Variants in HERC1 observed in about 807,000 individuals in gnomAD.
HERC1 encodes probable E3 ubiquitin-protein ligase HERC1.
In HERC1, 160 loss-of-function variants were observed where a neutral mutation model predicts 554.3. The ratio of observed to expected loss-of-function variants is 0.29; its 90% CI spans 0.25 to 0.33. The LOEUF (loss-of-function observed/expected upper bound fraction) is 0.33, where lower values mean the gene tolerates loss of function less well. HERC1 is among the 10% of genes least tolerant of loss of function. HERC1 has a pLI of 1.00. For missense variants in HERC1, 4,919 were observed against 5,918.5 expected (o/e 0.83, Z 5.54); for synonymous variants, 2,175 against 2,131.7 (o/e 1.02, Z -0.56).
chr15:63,663,541 G>T (rs1280363978), intron 43 of HERC1, among the ~76,000 whole-genome samples: 1 of 152,180 alleles, frequency 6.6e-6, no homozygotes, highest in South Asian at 2.1e-4. Flanking sequence ...CTGTAACCCT[G>T]AACCCCTGGG....
intron 38 of HERC1, 105 bp from the exon 39 acceptor site, chr15:63,672,799 A>G: frequency 1.4e-6 from 1 of 726,416 alleles, no homozygotes; most frequent in South Asian, 2.0e-5. Context: ...GTTTCTAAAT[A>G]TATTTCACAA....
chr15:63,784,231 A>G (rs1419690526), intron 1 of HERC1, among the ~76,000 whole-genome samples: 2 of 151,270 alleles, frequency 1.3e-5, no homozygotes, highest in Non-Finnish European at 3.0e-5. Context: ...CCAGTGGAAA[A>G]TATTTTCAAA....
chr15:63,639,851 A>G (rs1595874553), intron 61 of HERC1, among the ~76,000 whole-genome samples: 1 of 152,242 alleles, frequency 6.6e-6, no homozygotes, highest in Admixed American at 6.5e-5. Context: ...GCTAAGATAT[A>G]TACAACTAAA....
intron 39 of HERC1, among the ~76,000 whole-genome samples, chr15:63,670,733 A>C (rs2070868452): frequency 6.6e-6 from 1 of 152,072 alleles, no homozygotes; most frequent in Admixed American, 6.6e-5. Flanking sequence ...GAATTCTGTA[A>C]TTGCCAGAGG....
At chr15:63,805,393 T>G (rs1344449937) in intron 1 of HERC1, among the ~76,000 whole-genome samples, 1 of 152,254 alleles carries the variant, frequency 6.6e-6, no homozygotes, top group Middle Eastern at 3.4e-3. Flanking sequence ...ACACAAAGAC[T>G]ACATAACTAT....
At chr15:63,620,369 T>C (rs1272536101) in intron 74 of HERC1, among the ~76,000 whole-genome samples, 1 of 152,078 alleles carries the variant, frequency 6.6e-6, no homozygotes, top group Non-Finnish European at 1.5e-5. Context: ...CAGTTTGTTA[T>C]AATTTCTGTT....
Position 63,616,804 on chromosome 15 carries a change from C to T in HERC1, c.13689-122G>A. On this transcript the variant is annotated intron_variant, in intron 74 of 77. Transcript: ENST00000443617. ...TGTTCAATATGGCATCCATTAGCCA[C>T]ATAAGGCTAAAGTAATTAAATAAAA... 9 of 840,772 alleles carry T rather than the reference C, an allele frequency of 1.1e-5. No homozygotes were observed. The South Asian group carries it at 1.2e-4, about 12-fold the overall frequency. The allele number at this position is 840,772 out of a possible 1,614,324, so 52.1% of individuals were successfully genotyped here.
At chr15:63,709,581 G>A (rs1421410107) in intron 24 of HERC1, among the ~76,000 whole-genome samples, 7 of 152,142 alleles carry the variant, frequency 4.6e-5, no homozygotes, top group African/African-American at 1.7e-4. Flanking sequence ...GTCTTGTACA[G>A]GTCAAAGTCC....
chr15:63,613,716 C>G (rs1009883129), intron 76 of HERC1, among the ~76,000 whole-genome samples: 1 of 151,928 alleles, frequency 6.6e-6, no homozygotes, highest in Admixed American at 6.6e-5. Context: ...GCCCTGTCAT[C>G]CCAGCTACTT....
chr15:63,658,109 A>T (rs924900209), intron 48 of HERC1, among the ~76,000 whole-genome samples: 1 of 152,116 alleles, frequency 6.6e-6, no homozygotes, highest in African/African-American at 2.4e-5. Context: ...ATCACTTCTT[A>T]AACAGCTGTC....
Position 63,774,768 on chromosome 15 carries a change from G to C in HERC1, c.856C>G (p.Leu286Val). 1.2e-6 allele frequency: 2 copies of C among 1,613,962 alleles called. No individual in the cohort carries two copies. The highest frequency in any genetic ancestry group is 1.3e-5 in the African/African-American group (1 of 75,038). Residue 286 changes from leucine (L) to valine (V), a missense_variant, in exon 2 of 78, where the codon CTA becomes GTA. Around this residue, in one of 11 missense-constraint regions of HERC1, gnomAD observed 744 missense variants for 1,090.0 expected, o/e 0.68. Transcript: ENST00000443617. Reference sequence around the variant, plus strand: ...ATCATTCCTTCCTGGCTTGAGAGTAGTTTGCCTTTCTCCATGGTGTGTACA... The same window carrying C: ...ATCATTCCTTCCTGGCTTGAGAGTACTTTGCCTTTCTCCATGGTGTGTACA... Reference protein sequence around the residue: ...AVVHTMEKGKLLSSQEGMISF... With the variant: ...AVVHTMEKGKVLSSQEGMISF...
At position 63,720,276 on chromosome 15, in the gene HERC1, A is replaced by C. The variant is rs533228154; in HGVS notation, c.3743-1379T>G. Among the ~76,000 whole-genome samples, 9 of 151,196 alleles carry C rather than the reference A, an allele frequency of 6.0e-5. No individual in the cohort carries two copies. The South Asian group carries it at 1.9e-3, about 32-fold the overall frequency. ...GAGCTACCACACTCGGCCTCTTCCCATTCTTTAATTCTATGTTGGCACACC... is the reference window on the plus strand; with the variant it reads ...GAGCTACCACACTCGGCCTCTTCCCCTTCTTTAATTCTATGTTGGCACACC... On this transcript the variant is annotated intron_variant, in intron 19 of 77. Coordinates refer to ENST00000443617, the MANE Select transcript of HERC1 (RefSeq NM_003922.4).
intron 1 of HERC1, among the ~76,000 whole-genome samples, chr15:63,804,054 A>G (rs62020829): frequency 0.13 from 20,290 of 152,178 alleles, 1,813 homozygotes; most frequent in Middle Eastern, 0.21. Context: ...CTTTTCAACA[A>G]AAGGTGCTGG....
intron 12 of HERC1, among the ~76,000 whole-genome samples, chr15:63,745,537 G>A (rs9972399): frequency 0.023 from 3,568 of 152,284 alleles, 58 homozygotes; most frequent in Middle Eastern, 0.041. Context: ...TGCTCTAACA[G>A]GATAGCATTG....
chr15:63,775,731 T>A lies in HERC1; in HGVS notation c.-26-82A>T. Reference sequence around the variant, plus strand: ...CCAAAATTTCATCTTACATTACAATTAATGATTTCAAACTGGTGAAATGCA... The same window carrying A: ...CCAAAATTTCATCTTACATTACAATAAATGATTTCAAACTGGTGAAATGCA... On this transcript the variant is annotated intron_variant, in intron 1 of 77. Transcript: ENST00000443617. The surrounding 1 kb of genome is among the most constrained non-coding windows in gnomAD (Gnocchi z 4.0). The A allele has an allele frequency of 1.0e-6, 1 of 971,264 alleles. No individual in the cohort carries two copies. Among genetic ancestry groups the A allele is most frequent in the Non-Finnish European group, 1.5e-6 (1 of 648,582 alleles). The allele number at this position is 971,264 out of a possible 1,614,324, so 60.2% of individuals were successfully genotyped here.
At chr15:63,688,323 T>C (rs1240370821) in intron 33 of HERC1, among the ~76,000 whole-genome samples, 1 of 152,170 alleles carries the variant, frequency 6.6e-6, no homozygotes, top group African/African-American at 2.4e-5. Context: ...ACTAGGAGGC[T>C]GGGAAAGCCT....
intron 25 of HERC1, among the ~76,000 whole-genome samples, chr15:63,702,830 G>A (rs952248388): frequency 5.9e-5 from 9 of 152,184 alleles, no homozygotes. Context: ...AGCTGGCCGG[G>A]CATGGTGGCT....
chr15:63,732,810 G>A, intron 14 of HERC1, 114 bp downstream of exon 14: 1 of 677,622 alleles, frequency 1.5e-6, no homozygotes. Context: ...TCCCCTTGGG[G>A]GAGAGGGGTC....
In HERC1 at chr15:63,612,996, T is replaced by C. The variant is rs2067666462; in HGVS notation, c.14095-440A>G. Among the ~76,000 whole-genome samples, 1 of 152,218 alleles carries C rather than the reference T, an allele frequency of 6.6e-6. No individual in the cohort carries two copies. Among genetic ancestry groups the C allele is most frequent in the African/African-American group, 2.4e-5 (1 of 41,452 alleles). ...CTACTGTTTTTTAAATTTATATTTG[T>C]CTTTTGAAAATAATTATATCCTTTT... On this transcript the variant is annotated intron_variant, in intron 76 of 77. Coordinates refer to ENST00000443617, the MANE Select transcript of HERC1 (RefSeq NM_003922.4). This position sits in a 1 kb window ranked among gnomAD's most constrained non-coding sequence, Gnocchi z 5.0.
Sources: allele counts gnomAD v4.1 joint callset (sites outside exome capture counted in the v4.1 genomes callset), GRCh38; gene constraint gnomAD v4.1.1; regional missense constraint gnomAD v4.1.1; non-coding constraint Gnocchi (gnomAD v3.1); transcripts MANE v1.5; gene names NCBI Gene and HGNC (gene_info 2026-07-23, HGNC 2026-07-21).